The following SDK1 variants were observed in gnomAD, a reference collection of about 807,000 sequenced individuals.
The protein encoded by SDK1 is sidekick cell adhesion molecule 1.
In SDK1, 157 loss-of-function variants were observed where a neutral mutation model predicts 245.5. The observed-to-expected ratio is 0.64, with a 90% CI of 0.56 to 0.73. The LOEUF (loss-of-function observed/expected upper bound fraction) is 0.73. Ranked by LOEUF, SDK1 falls within the 30% of genes least tolerant of loss-of-function variation. The pLI is 0.00. For synonymous variants in SDK1, 1,647 were observed against 1,278.5 expected, an observed-to-expected ratio of 1.29 and a Z score of -6.15; for missense variants, 3,583 against 3,002.3, an observed-to-expected ratio of 1.19 and a Z score of -4.52.
At chr7:3,535,146 C>G (rs1041471788) in intron 1 of SDK1, among the ~76,000 whole-genome samples, 2 of 152,022 alleles carry the variant, frequency 1.3e-5, no homozygotes, top group African/African-American at 4.8e-5. Flanking sequence ...CATGGTGATA[C>G]GCACCTGTAA....
At chr7:4,067,307 G>A (rs547870448) in intron 19 of SDK1, among the ~76,000 whole-genome samples, 2 of 152,284 alleles carry the variant, frequency 1.3e-5, no homozygotes, top group South Asian at 4.1e-4. Context: ...GTTTTTGCTG[G>A]GATTTTCTCA....
chr7:3,982,060 T>C (rs1783447309), intron 13 of SDK1, among the ~76,000 whole-genome samples: 1 of 152,214 alleles, frequency 6.6e-6, no homozygotes, highest in Non-Finnish European at 1.5e-5. Context: ...ACTCTCTTGT[T>C]AGGGGCTAAT....
intron 4 of SDK1, among the ~76,000 whole-genome samples, chr7:3,672,759 TTA>T (rs60760676): frequency 0.013 from 647 of 50,758 alleles, 20 homozygotes; most frequent in East Asian, 0.045. Flanking sequence ...ATATATAATT[TTA>T]TATATATATA....
At chr7:3,333,844 G>T (rs1442269063) in intron 1 of SDK1, among the ~76,000 whole-genome samples, 1 of 152,172 alleles carries the variant, frequency 6.6e-6, no homozygotes, top group Admixed American at 6.5e-5. Flanking sequence ...CTCCTAGCAG[G>T]TTGTGCTAGA....
intron 22 of SDK1, among the ~76,000 whole-genome samples, chr7:4,106,275 G>T (rs1167227189): frequency 2.0e-5 from 3 of 151,644 alleles, no homozygotes; most frequent in African/African-American, 7.3e-5. Context: ...GAGATCAGCC[G>T]CCCCACTGTC....
intron 1 of SDK1, among the ~76,000 whole-genome samples, chr7:3,384,679 C>G (rs141884209): frequency 1.1e-4 from 17 of 152,320 alleles, no homozygotes; most frequent in Admixed American, 4.6e-4. Context: ...CTTGCCACAT[C>G]GCGAATTTCC....
intron 1 of SDK1, among the ~76,000 whole-genome samples, chr7:3,318,226 C>A (rs1239589992): frequency 6.6e-6 from 1 of 152,158 alleles, no homozygotes; most frequent in Non-Finnish European, 1.5e-5. Flanking sequence ...AACATGCACA[C>A]ACAGAAAATA....
chr7:4,058,702 G>A (rs1562744042), intron 19 of SDK1, among the ~76,000 whole-genome samples: 1 of 152,136 alleles, frequency 6.6e-6, no homozygotes, highest in East Asian at 1.9e-4. Flanking sequence ...TATATTCAAA[G>A]TACTGGGGAA....
intron 4 of SDK1, among the ~76,000 whole-genome samples, chr7:3,654,589 C>G (rs966908961): frequency 6.6e-6 from 1 of 152,204 alleles, no homozygotes; most frequent in Admixed American, 6.5e-5. Context: ...ATGAAGGTCA[C>G]TCAAGTGTCT....
At chr7:3,717,969 A>G (rs1471763012) in intron 4 of SDK1, among the ~76,000 whole-genome samples, 1 of 152,074 alleles carries the variant, frequency 6.6e-6, no homozygotes, top group African/African-American at 2.4e-5. Flanking sequence ...TAAAAAAAAA[A>G]AAAACTGTAA....
chr7:3,543,407 T>TA (rs1779111483), intron 1 of SDK1, among the ~76,000 whole-genome samples: 1 of 152,258 alleles, frequency 6.6e-6, no homozygotes, highest in African/African-American at 2.4e-5. Flanking sequence ...GAGCCATTCT[T>TA]ACTAAAGAGA....
chr7:3,658,480 T>C (rs1286180613), intron 4 of SDK1, among the ~76,000 whole-genome samples: 2 of 151,868 alleles, frequency 1.3e-5, no homozygotes, highest in Non-Finnish European at 1.5e-5. Context: ...TCTCATGTAG[T>C]CTTTAAGGAA....
At chr7:3,779,545 G>T (rs1583405513) in intron 4 of SDK1, among the ~76,000 whole-genome samples, 1 of 151,602 alleles carries the variant, frequency 6.6e-6, no homozygotes, top group Non-Finnish European at 1.5e-5. Context: ...TTCATATTTG[G>T]ATATTGACGA....
rs541387654 is a variant in SDK1, at chr7:3,790,794, C to T, written c.714-30656C>T. On this transcript the variant is annotated intron_variant, in intron 4 of 44. Transcript: ENST00000404826. ...GCCTGGGAAACAAGAGCGAAACTGT[C>T]GCCAAAAACACACACACAAAACCAA... 2.1e-4 allele frequency among the ~76,000 whole-genome samples: 32 copies of T among 152,192 alleles called. No homozygotes were observed. The South Asian group carries it at 4.8e-3, about 23-fold the overall frequency.
intron 22 of SDK1, among the ~76,000 whole-genome samples, chr7:4,088,070 G>T (rs1469349604): frequency 2.6e-5 from 4 of 152,140 alleles, no homozygotes; most frequent in Non-Finnish European, 4.4e-5. Flanking sequence ...TCACAGATGA[G>T]ACATCAAGGT....
At chr7:3,766,904 T>G (rs1169971594) in intron 4 of SDK1, among the ~76,000 whole-genome samples, 3 of 152,228 alleles carry the variant, frequency 2.0e-5, no homozygotes, top group African/African-American at 7.2e-5. Flanking sequence ...TTTAACAATA[T>G]GCCCAAAAGT....
chr7:3,435,458 G>C (rs1779995312), intron 1 of SDK1, among the ~76,000 whole-genome samples: 1 of 150,250 alleles, frequency 6.7e-6, no homozygotes, highest in African/African-American at 2.5e-5. Flanking sequence ...AGGCTCCTGA[G>C]TAGCTGGGAC....
At chr7:3,334,045 A>G (rs1040013087) in intron 1 of SDK1, among the ~76,000 whole-genome samples, 9 of 152,138 alleles carry the variant, frequency 5.9e-5, no homozygotes, top group Non-Finnish European at 8.8e-5. Context: ...GTTCAGTTTC[A>G]TTCTTAACCC....
chr7:3,744,673 G>A (rs781752349), intron 4 of SDK1, among the ~76,000 whole-genome samples: 15 of 151,890 alleles, frequency 9.9e-5, no homozygotes, highest in Admixed American at 2.0e-4. Context: ...TTAGCCAGGC[G>A]TGGTGGCGGG....
Sources: allele counts gnomAD v4.1 joint callset (sites outside exome capture counted in the v4.1 genomes callset), GRCh38; gene constraint gnomAD v4.1.1; transcripts MANE v1.5; gene names NCBI Gene and HGNC (gene_info 2026-07-23, HGNC 2026-07-21).